The following ADAM10 variants were observed in gnomAD, a reference collection of about 807,000 sequenced individuals.
The protein encoded by ADAM10 is ADAM metallopeptidase domain 10, also known as disintegrin and metalloproteinase domain-containing protein 10.
A neutral mutation model predicts 90.1 loss-of-function variants in ADAM10; 17 were observed. The ratio of observed to expected loss-of-function variants is 0.19; its 90% CI spans 0.13 to 0.28. ADAM10 has a LOEUF of 0.28. Among genes scored for constraint, ADAM10 ranks in the 10% least tolerant of loss-of-function variants. ADAM10 has a pLI of 1.00. For synonymous variants in ADAM10, 310 were observed against 298.6 expected, an observed-to-expected ratio of 1.04 and a Z score of -0.40; for missense variants, 610 against 914.3, an observed-to-expected ratio of 0.67 and a Z score of 4.29.
chr15:58,599,825 G>A, intron 14 of ADAM10, 101 bp from the exon 15 acceptor site: 1 of 1,208,930 alleles, frequency 8.3e-7, no homozygotes, highest in Non-Finnish European at 1.2e-6. Context: ...ACAGTATATT[G>A]TAATTTTTAA....
In ADAM10 at chr15:58,596,650, A is replaced by C. The variant is rs1894960347; in HGVS notation, c.*897T>G. 6.6e-6 allele frequency: 1 copy of C among 152,444 alleles called. No homozygotes were observed. Among genetic ancestry groups the C allele is most frequent in the South Asian group, 2.1e-4 (1 of 4,836 alleles). 9.4% of individuals were successfully genotyped at this position (152,444 alleles called of 1,614,324 possible). ...ATTTCATTGACATAATTTCTATCAA[A>C]GCATGAATAAAATTTCACCTATTAA... On this transcript the variant is annotated 3_prime_UTR_variant, in exon 16 of 16. Transcript: ENST00000260408.
chr15:58,695,984 T>TA (rs1897967775), intron 2 of ADAM10, among the ~76,000 whole-genome samples: 1 of 151,958 alleles, frequency 6.6e-6, no homozygotes, highest in Non-Finnish European at 1.5e-5. Context: ...GTTGTGATGA[T>TA]ACATGCCTGT....
chr15:58,643,571 A>T (rs777875708), intron 7 of ADAM10, among the ~76,000 whole-genome samples: 11 of 152,220 alleles, frequency 7.2e-5, no homozygotes, highest in Non-Finnish European at 1.5e-4. Flanking sequence ...GGAAAAGTCA[A>T]GCACTATAGC....
intron 2 of ADAM10, chr15:58,691,969 C>A: frequency 2.3e-6 from 1 of 429,336 alleles, no homozygotes; most frequent in South Asian, 1.7e-5. Context: ...AGCCACCATG[C>A]CCAGCCGGCA....
intron 14 of ADAM10, among the ~76,000 whole-genome samples, chr15:58,608,884 A>G (rs1895355540): frequency 6.6e-6 from 1 of 152,204 alleles, no homozygotes; most frequent in Admixed American, 6.5e-5. Flanking sequence ...CCAAAAATCT[A>G]AAATATCTAG....
rs1212041296 is a variant in ADAM10 at position 58,655,711 on chromosome 15, G to GTGTGTGTATATATATATA, written c.585+9385_585+9386insTATATATATATACACACA. Among the ~76,000 whole-genome samples the GTGTGTGTATATATATATA allele has an allele frequency of 2.8e-4, 15 of 53,704 alleles. 1 individual carries two copies. In the Admixed American group the frequency reaches 3.3e-3, roughly 12 times the overall value. 35.2% of individuals were successfully genotyped at this position (53,704 alleles called of 152,430 possible). A position where few individuals can be genotyped will look rare whatever the true frequency, so the allele number is the denominator to read the frequency against. On this transcript the variant is annotated intron_variant, in intron 5 of 15. Transcript: ENST00000260408. ...ATTATATATAGTATATATATATATA[G>GTGTGTGTATATATATATA]TATATATATATATATATATATATAT...
chr15:58,663,606 G>C (rs1398183162), intron 5 of ADAM10, among the ~76,000 whole-genome samples: 1 of 152,032 alleles, frequency 6.6e-6, no homozygotes, highest in East Asian at 1.9e-4. Flanking sequence ...CTGTTGTAAT[G>C]TGTATTGGAC....
At chr15:58,605,261 T>A (rs568923891) in intron 14 of ADAM10, among the ~76,000 whole-genome samples, 64 of 152,330 alleles carry the variant, frequency 4.2e-4, no homozygotes, top group African/African-American at 1.5e-3. Flanking sequence ...TTCTTCTAAA[T>A]TTTTTCAGGT....
At chr15:58,726,349 G>C (rs1030538676) in intron 1 of ADAM10, among the ~76,000 whole-genome samples, 2 of 151,964 alleles carry the variant, frequency 1.3e-5, no homozygotes, top group Non-Finnish European at 2.9e-5. Context: ...TGGATCACTT[G>C]AAGCGAGGAG....
intron 5 of ADAM10, among the ~76,000 whole-genome samples, chr15:58,656,075 T>C (rs1036718030): frequency 2.6e-5 from 4 of 152,096 alleles, no homozygotes; most frequent in Non-Finnish European, 5.9e-5. Context: ...TGACTATCTT[T>C]GTCTCTTACA....
chr15:58,708,188 T>A (rs1441357030), intron 2 of ADAM10, among the ~76,000 whole-genome samples: 3 of 152,130 alleles, frequency 2.0e-5, no homozygotes, highest in Non-Finnish European at 4.4e-5. Context: ...AAAATAACAA[T>A]CACCTAAATT....
intron 14 of ADAM10, among the ~76,000 whole-genome samples, chr15:58,601,335 G>A (rs899558098): frequency 1.1e-4 from 17 of 152,100 alleles, no homozygotes; most frequent in Non-Finnish European, 1.5e-4. Context: ...GATGGTGGGT[G>A]CCTGTAATTC....
chr15:58,657,389 C>T (rs1414639981), intron 5 of ADAM10, among the ~76,000 whole-genome samples: 2 of 151,864 alleles, frequency 1.3e-5, no homozygotes, highest in Non-Finnish European at 1.5e-5. Flanking sequence ...TAGAGTATTC[C>T]TTTTCTGTCT....
intron 1 of ADAM10, among the ~76,000 whole-genome samples, chr15:58,719,978 C>T (rs1226234409): frequency 6.6e-6 from 1 of 152,186 alleles, no homozygotes; most frequent in Non-Finnish European, 1.5e-5. Flanking sequence ...TCTTCCTTCT[C>T]CCACACTTTG....
intron 5 of ADAM10, among the ~76,000 whole-genome samples, chr15:58,649,961 T>G (rs1234239438): frequency 6.6e-6 from 1 of 152,192 alleles, no homozygotes; most frequent in Non-Finnish European, 1.5e-5. Context: ...TGCTCTTTTC[T>G]GTATTTTCCA....
chr15:58,720,389 A>ATTTTTTTTTTT (rs1328757372), intron 1 of ADAM10, among the ~76,000 whole-genome samples: 1 of 82,132 alleles, frequency 1.2e-5, no homozygotes, highest in Non-Finnish European at 2.7e-5. Context: ...ATTTTATTTT[A>ATTTTTTTTTTT]TTTTATTTTA....
chr15:58,647,248 A>ATATTTTTT (rs1896571611), intron 5 of ADAM10, among the ~76,000 whole-genome samples: 1 of 59,602 alleles, frequency 1.7e-5, no homozygotes, highest in Non-Finnish European at 3.6e-5. Context: ...GACACTAAGT[A>ATATTTTTT]TTTTTTTTTT....
Position 58,633,305 on chromosome 15 carries a change from T to G in ADAM10, c.1067A>C (p.Lys356Thr). 1 of 1,613,568 alleles carries G rather than the reference T, an allele frequency of 6.2e-7. No individual in the cohort carries two copies. ...KSKLYSDGKKKSLNTGIITVQ... is the reference protein window; with the variant it reads ...KSKLYSDGKKTSLNTGIITVQ... ...AGTAATAATTCCAGTGTTTAAGGAC[T>G]TCTTCTTACCATCTGAATAGAGTTT... The change falls in exon 9 of 16, where the codon AAG (lysine) becomes ACG (threonine). Residue 356 changes from lysine to threonine, a missense_variant. This residue lies in a region of ADAM10 where 97 missense variants were observed against 221.4 expected (regional missense o/e 0.44). Coordinates refer to ENST00000260408, the MANE Select transcript of ADAM10 (RefSeq NM_001110.4).
chr15:58,691,045 C>A, intron 2 of ADAM10: 1 of 568,536 alleles, frequency 1.8e-6, no homozygotes, highest in Admixed American at 2.0e-5. Context: ...ATCATATAAC[C>A]CATCATAGAG....
Sources: gnomAD v4.1 joint callset for allele counts (sites outside exome capture counted in the v4.1 genomes callset) on GRCh38, gnomAD v4.1.1 for gene constraint, gnomAD v4.1.1 regional missense constraint, MANE v1.5 for transcripts, NCBI Gene and HGNC (gene_info 2026-07-23, HGNC 2026-07-21) for gene names.